The following CPEB2 variants were observed in gnomAD, a reference collection of about 807,000 sequenced individuals.
CPEB2 encodes the protein cytoplasmic polyadenylation element binding protein 2.
A neutral mutation model predicts 93.6 loss-of-function variants in CPEB2; 56 were observed. The observed-to-expected ratio is 0.60, with a 90% CI of 0.48 to 0.75. CPEB2 has a LOEUF of 0.75. Among genes scored for constraint, CPEB2 ranks in the 30% least tolerant of loss-of-function variants. The probability of loss-of-function intolerance (pLI) is 0.00; values close to 1 mark genes in which losing one functional copy is unlikely to be tolerated. For missense variants in CPEB2, 1,579 were observed against 1,395.1 expected (o/e 1.13, Z -2.10); for synonymous variants, 764 against 586.3 (o/e 1.30, Z -4.38).
chr4:15,063,900 T>G (rs1005186502), intron 11 of CPEB2: 1 of 152,142 alleles, frequency 6.6e-6, no homozygotes, highest in Admixed American at 6.6e-5. Flanking sequence ...TTGAACTGTA[T>G]TTGAAAGAAT....
intron 4 of CPEB2, among the ~76,000 whole-genome samples, chr4:15,028,261 A>G (rs1053330512): frequency 1.3e-5 from 2 of 152,098 alleles, no homozygotes; most frequent in Non-Finnish European, 2.9e-5. Context: ...GACTTTTGCA[A>G]TATCTCTCCC....
chr4:15,018,882 G>A (rs1304777561), intron 4 of CPEB2, among the ~76,000 whole-genome samples: 2 of 143,170 alleles, frequency 1.4e-5, no homozygotes, highest in African/African-American at 5.1e-5. Context: ...GAAGGGAAAC[G>A]TAAAAAGAGG....
At chr4:15,021,091 C>G (rs1038511874) in intron 4 of CPEB2, among the ~76,000 whole-genome samples, 1 of 152,110 alleles carries the variant, frequency 6.6e-6, no homozygotes, top group African/African-American at 2.4e-5. Context: ...TGCCTGATGC[C>G]GACTGGGTGT....
chr4:15,033,221 A>G lies in CPEB2; in HGVS notation c.2176+10A>G, dbSNP rs761411452. ...CTGTTGATGTTAAATGGTAAGTTTTATAAAAACATTTTATGTTTCCAGTTG... is the reference window on the plus strand; with the variant it reads ...CTGTTGATGTTAAATGGTAAGTTTTGTAAAAACATTTTATGTTTCCAGTTG... On this transcript the variant is annotated intron_variant, in intron 5 of 11. Coordinates refer to ENST00000538197, the MANE Select transcript of CPEB2 (RefSeq NM_001177382.2). The G allele has an allele frequency of 9.1e-6, 14 of 1,539,890 alleles. No homozygotes were observed. Among genetic ancestry groups the G allele is most frequent in the Admixed American group, 1.7e-5 (1 of 59,258 alleles).
intron 4 of CPEB2, among the ~76,000 whole-genome samples, chr4:15,025,808 A>AC (rs80162372): frequency 0.96 from 145,927 of 151,944 alleles, 69,989 homozygotes; most frequent in East Asian, 1. Flanking sequence ...CCATGTATAC[A>AC]CGGCTTAGGT....
intron 4 of CPEB2, among the ~76,000 whole-genome samples, chr4:15,028,361 C>G (rs1220794777): frequency 6.6e-6 from 1 of 151,552 alleles, no homozygotes; most frequent in Non-Finnish European, 1.5e-5. Context: ...AGAGAATATC[C>G]TCCCTATGCC....
intron 4 of CPEB2, among the ~76,000 whole-genome samples, chr4:15,020,947 G>A (rs1208352086): frequency 6.6e-6 from 1 of 152,166 alleles, no homozygotes; most frequent in Non-Finnish European, 1.5e-5. Flanking sequence ...CCTGAAGCAT[G>A]AGCAGCACAA....
intron 2 of CPEB2, 61 bp downstream of exon 2, chr4:15,007,647 G>A (rs1723003359): frequency 1.7e-6 from 2 of 1,148,026 alleles, no homozygotes; most frequent in Admixed American, 5.5e-5. Context: ...AGGGAGTTGG[G>A]TGGTGGTGGT....
chr4:15,033,007 T>G (rs1726273896), intron 4 of CPEB2, among the ~76,000 whole-genome samples, 154 bp from the exon 5 acceptor site: 2 of 152,170 alleles, frequency 1.3e-5, no homozygotes, highest in African/African-American at 4.8e-5. Context: ...GTTAATATAC[T>G]TTTAGTTGAA....
In CPEB2 at chr4:15,017,179, C is replaced by G. The variant is rs561329953; in HGVS notation, c.2035-9C>G. The G allele has an allele frequency of 9.3e-6, 14 of 1,509,088 alleles. No homozygotes were observed. In the South Asian group the frequency reaches 1.6e-4, roughly 17 times the overall value. The allele number at this position is 1,509,088 out of a possible 1,614,324, so 93.5% of individuals were successfully genotyped here. ...AGATTATAATGTCTTTTTTCCTCTTCTCTTCCAGGATCGAAGTAGAATGTA... is the reference window on the plus strand; with the variant it reads ...AGATTATAATGTCTTTTTTCCTCTTGTCTTCCAGGATCGAAGTAGAATGTA... On this transcript the variant is annotated splice_polypyrimidine_tract_variant and intron_variant, in intron 3 of 11. Coordinates refer to ENST00000538197, the MANE Select transcript of CPEB2 (RefSeq NM_001177382.2).
intron 1 of CPEB2, among the ~76,000 whole-genome samples, chr4:15,006,955 T>C (rs1424059266): frequency 6.6e-6 from 1 of 152,230 alleles, no homozygotes; most frequent in Non-Finnish European, 1.5e-5. Flanking sequence ...AAGATCACCA[T>C]GTATGTTATA....
Position 15,003,336 on chromosome 4 carries a change from G to A in CPEB2, c.663G>A (p.Pro221=), listed in dbSNP as rs1372628367. The A allele has an allele frequency of 2.9e-6, 4 of 1,400,066 alleles. No homozygotes were observed. Among genetic ancestry groups the A allele is most frequent in the Non-Finnish European group, 3.7e-6 (4 of 1,090,726 alleles). 86.7% of individuals were successfully genotyped at this position (1,400,066 alleles called of 1,614,324 possible). ...PPPPAGPLLQ[P]AQLAQRQQQQ... is the part of the protein sequence containing the mutation. ...CGCCAGCCGGCCCGCTCCTCCAGCC[G>A]GCGCAGCTCGCTCAGCGCCAGCAGC... The change falls in exon 1 of 12, where the codon CCG becomes CCA. Residue 221 remains proline, a synonymous_variant. Transcript: ENST00000538197.
In CPEB2 at chr4:15,002,851, G is replaced by A. The variant is rs1302421475; in HGVS notation, c.178G>A (p.Glu60Lys). Residue 60 changes from glutamate to lysine, a missense_variant, in exon 1 of 12, where the codon GAG becomes AAG. Coordinates refer to ENST00000538197, the MANE Select transcript of CPEB2 (RefSeq NM_001177382.2). ...ACCGTTGCCTGTCACCGGCTTCTTA[G>A]AGGCCGCCTCCCCCTTCTCCGTCCC... is the stretch of plus-strand genomic sequence containing the variant. The part of the protein sequence containing the change: ...PPPLPVTGFL[E>K]AASPFSVPLG... 13 of 1,534,712 alleles carry A rather than the reference G, an allele frequency of 8.5e-6. No individual in the cohort carries two copies. The South Asian group carries it at 1.1e-4, about 13-fold the overall frequency.
rs1182975296 is a variant in CPEB2 at position 15,066,226 on chromosome 4, T to C, written c.2951T>C (p.Phe984Ser). ...ECQGARCGGK[F>S]APFFCANVTC... ...CAGGGCGCACGCTGTGGTGGAAAAT[T>C]TGCTCCCTTTTTTTGTGCCAATGTC... The change falls in exon 12 of 12, where the codon TTT (phenylalanine) becomes TCT (serine). Residue 984 changes from phenylalanine (F) to serine (S), a missense_variant. Physicochemically the swap from Phe to Ser is radical, Grantham distance 155. Coordinates refer to ENST00000538197, the MANE Select transcript of CPEB2 (RefSeq NM_001177382.2). 1.2e-6 allele frequency: 2 copies of C among 1,613,534 alleles called. No homozygotes were observed. Among genetic ancestry groups the C allele is most frequent in the Non-Finnish European group, 8.5e-7 (1 of 1,179,648 alleles).
chr4:15,042,628 T>A (rs1272573072), intron 6 of CPEB2, among the ~76,000 whole-genome samples: 2 of 152,194 alleles, frequency 1.3e-5, no homozygotes, highest in Non-Finnish European at 2.9e-5. Flanking sequence ...ACTTTTAAAA[T>A]TTTGATTGTG....
chr4:15,026,924 C>A (rs915392337), intron 4 of CPEB2, among the ~76,000 whole-genome samples: 2 of 152,102 alleles, frequency 1.3e-5, no homozygotes, highest in South Asian at 4.1e-4. Context: ...TTGCTTTATA[C>A]CAGTTCCACT....
Position 15,004,425 on chromosome 4 carries a change from C to T in CPEB2, c.1662+90C>T, listed in dbSNP as rs1285465788. 1.7e-5 allele frequency: 17 copies of T among 1,006,866 alleles called. No individual in the cohort carries two copies. The East Asian group carries it at 3.9e-4, about 23-fold the overall frequency. 62.4% of individuals were successfully genotyped at this position (1,006,866 alleles called of 1,614,324 possible). On this transcript the variant is annotated intron_variant, in intron 1 of 11. Transcript: ENST00000538197. Reference sequence around the variant, plus strand: ...GGGGCAGGGCAGCCGGGGACCCGACCTTAGCCCCGAGAGAAGCCGCGACGG... The same window carrying T: ...GGGGCAGGGCAGCCGGGGACCCGACTTTAGCCCCGAGAGAAGCCGCGACGG...
At chr4:15,021,430 TTC>T (rs1272375563) in intron 4 of CPEB2, among the ~76,000 whole-genome samples, 2 of 152,182 alleles carry the variant, frequency 1.3e-5, no homozygotes, top group Admixed American at 1.3e-4. Context: ...TGTATATATA[TTC>T]CCCCTTTAAC....
intron 3 of CPEB2, among the ~76,000 whole-genome samples, chr4:15,010,174 T>C (rs1161965012): frequency 6.6e-6 from 1 of 152,178 alleles, no homozygotes; most frequent in Non-Finnish European, 1.5e-5. Flanking sequence ...TCATAATCTT[T>C]ATGACATTGA....
Sources: allele counts gnomAD v4.1 joint callset (sites outside exome capture counted in the v4.1 genomes callset), GRCh38; gene constraint gnomAD v4.1.1; transcripts MANE v1.5; gene names NCBI Gene and HGNC (gene_info 2026-07-23, HGNC 2026-07-21).